Variants in ANKRD7 observed in about 807,000 individuals in gnomAD.
The protein encoded by ANKRD7 is ankyrin repeat domain-containing protein 7.
In ANKRD7, 30 loss-of-function variants were observed where a neutral mutation model predicts 30.8. The observed-to-expected ratio is 0.97, with a 90% CI of 0.73 to 1.32. ANKRD7 has a LOEUF of 1.32. ANKRD7 is among the 40% of genes most tolerant of loss of function. ANKRD7 has a pLI of 0.00. For missense variants in ANKRD7, 264 were observed against 295.7 expected (o/e 0.89, Z 0.79); for synonymous variants, 97 against 106.6 (o/e 0.91, Z 0.55).
intron 1 of ANKRD7, among the ~76,000 whole-genome samples, chr7:118,230,577 T>C (rs1306927417): frequency 1.3e-5 from 2 of 151,932 alleles, no homozygotes; most frequent in Non-Finnish European, 2.9e-5. Flanking sequence ...TTATTATAAA[T>C]TACAACTTGA....
chr7:118,240,162 T>A lies in ANKRD7; in HGVS notation c.*37+164T>A, dbSNP rs868144608. Among the ~76,000 whole-genome samples the A allele has an allele frequency of 2.6e-5, 4 of 152,194 alleles. No homozygotes were observed. In the Middle Eastern group the frequency reaches 0.01, roughly 391 times the overall value. ...TAAGAACTATTCTTTTTTATTTATT[T>A]ATTTATTTATTTATTATACTTTAAG... On this transcript the variant is annotated intron_variant, in intron 6 of 6. Coordinates refer to ENST00000265224, the MANE Select transcript of ANKRD7 (RefSeq NM_019644.4).
At chr7:118,229,983 T>G (rs1809607195) in intron 1 of ANKRD7, among the ~76,000 whole-genome samples, 1 of 152,048 alleles carries the variant, frequency 6.6e-6, no homozygotes, top group Non-Finnish European at 1.5e-5. Flanking sequence ...CCAACATCCC[T>G]TCATGATAAA....
At position 118,239,700 on chromosome 7, in the gene ANKRD7, T is replaced by C. The variant is rs193021663; in HGVS notation, c.713-209T>C. 3.0e-5 allele frequency: 10 copies of C among 334,858 alleles called. No homozygotes were observed. The East Asian group carries it at 3.9e-4, about 13-fold the overall frequency. 20.7% of individuals were successfully genotyped at this position (334,858 alleles called of 1,614,324 possible). A position where few individuals can be genotyped will look rare whatever the true frequency, so the allele number is the denominator to read the frequency against. Reference sequence around the variant, plus strand: ...GCTTTTAAAAAAATCATATTTGTGATAGCAGGAAGAAAAGAGGTGCCAGAG... The same window carrying C: ...GCTTTTAAAAAAATCATATTTGTGACAGCAGGAAGAAAAGAGGTGCCAGAG... On this transcript the variant is annotated intron_variant, in intron 5 of 6. Transcript: ENST00000265224.
At chr7:118,240,460 A>G (rs1010363219) in intron 6 of ANKRD7, among the ~76,000 whole-genome samples, 45 of 152,162 alleles carry the variant, frequency 3.0e-4, no homozygotes, top group African/African-American at 9.6e-4. Flanking sequence ...ATGTTTTCCA[A>G]TTTCATCCAT....
intron 1 of ANKRD7, among the ~76,000 whole-genome samples, chr7:118,234,007 TAAAG>T (rs1223658020): frequency 1.3e-5 from 2 of 152,112 alleles, no homozygotes; most frequent in Non-Finnish European, 2.9e-5. Context: ...ACTGAGTAAA[TAAAG>T]AAAAACACAC....
intron 1 of ANKRD7, chr7:118,228,125 T>C: frequency 8.8e-7 from 1 of 1,135,346 alleles, no homozygotes; most frequent in African/African-American, 1.6e-5. Flanking sequence ...TGGGGCCATC[T>C]GGCATTTCTC....
chr7:118,239,724 A>G (rs1021136498), intron 5 of ANKRD7, 185 bp from the exon 6 acceptor site: 5 of 357,916 alleles, frequency 1.4e-5, no homozygotes, highest in African/African-American at 8.4e-5. Context: ...GAGGTGCCAG[A>G]GAATGGGAGT....
intron 6 of ANKRD7, 36 bp from the exon 7 acceptor site, chr7:118,242,313 T>A (rs1442964730): frequency 6.6e-6 from 1 of 152,202 alleles, no homozygotes; most frequent in Non-Finnish European, 1.5e-5. Flanking sequence ...TATTTGGACG[T>A]AAGTGAAGAC....
At chr7:118,225,486 CA>C (rs60691080) in intron 1 of ANKRD7, among the ~76,000 whole-genome samples, 5,890 of 124,226 alleles carry the variant, frequency 0.047, 189 homozygotes, top group African/African-American at 0.11. Flanking sequence ...AGACTCATCT[CA>C]AAAAAAAAAA....
chr7:118,225,100 A>C, intron 1 of ANKRD7, 91 bp downstream of exon 1: 2 of 1,412,258 alleles, frequency 1.4e-6, no homozygotes, highest in Non-Finnish European at 1.9e-6. Context: ...TTTGACACTG[A>C]TTGTCACTCC....
At chr7:118,231,812 AGAAAATAGAACTT>A (rs111990138) in intron 1 of ANKRD7, among the ~76,000 whole-genome samples, 3 of 152,188 alleles carry the variant, frequency 2.0e-5, no homozygotes, top group African/African-American at 7.2e-5. Context: ...AGAGTCTGGG[AGAAAATAGAACTT>A]GAATGAAACA....
chr7:118,227,320 G>T (rs1361949754), intron 1 of ANKRD7, among the ~76,000 whole-genome samples: 1 of 152,138 alleles, frequency 6.6e-6, no homozygotes, highest in Non-Finnish European at 1.5e-5. Flanking sequence ...GGGAAGCTGG[G>T]GTGCTGGCAA....
intron 1 of ANKRD7, among the ~76,000 whole-genome samples, chr7:118,232,230 A>G (rs754227568): frequency 3.9e-5 from 6 of 152,046 alleles, no homozygotes; most frequent in Non-Finnish European, 5.9e-5. Context: ...GTGAGCTCTA[A>G]AATTTAAGGA....
rs754421639 is a variant in ANKRD7, at chr7:118,234,722, G to A, written c.316G>A (p.Asp106Asn). 4.7e-5 allele frequency: 76 copies of A among 1,609,870 alleles called. No individual in the cohort carries two copies. In the East Asian group the frequency reaches 1.7e-3, roughly 35 times the overall value. ...ACAGGCAGTACAGTGTCAAAATGAGGATTGTGCTACTATTCTTCTAAACTT... is the reference window on the plus strand; with the variant it reads ...ACAGGCAGTACAGTGTCAAAATGAGAATTGTGCTACTATTCTTCTAAACTT... ...LIKAVQCQNE[D>N]CATILLNFGA... Residue 106 changes from aspartate to asparagine, a missense_variant, in exon 3 of 7, where the codon GAT (aspartate) becomes AAT (asparagine). Coordinates refer to ENST00000265224, the MANE Select transcript of ANKRD7 (RefSeq NM_019644.4).
intron 1 of ANKRD7, chr7:118,227,806 T>G (rs1322038935): frequency 2.6e-6 from 3 of 1,140,126 alleles, no homozygotes; most frequent in African/African-American, 1.6e-5. Flanking sequence ...AGTTTTCAAG[T>G]CATAGGGTAT....
chr7:118,235,462 A>T, intron 3 of ANKRD7, among the ~76,000 whole-genome samples: 1 of 151,990 alleles, frequency 6.6e-6, no homozygotes, highest in East Asian at 1.9e-4. Context: ...AATACAAAAA[A>T]TTAGCTGGTC....
rs2116027813 is a variant in ANKRD7, at chr7:118,239,997, A to G, written c.*36A>G. On this transcript the variant is annotated splice_region_variant and 3_prime_UTR_variant, in exon 6 of 7. Coordinates refer to ENST00000265224, the MANE Select transcript of ANKRD7 (RefSeq NM_019644.4). The stretch of plus-strand genomic sequence containing the variant: ...CTTGGCACTACATGTGACTAAAGGA[A>G]GGTAAGATTGCTAACTGGATTAGTG... 2 of 1,489,410 alleles carry G rather than the reference A, an allele frequency of 1.3e-6. No individual in the cohort carries two copies. Among genetic ancestry groups the G allele is most frequent in the Non-Finnish European group, 1.8e-6 (2 of 1,107,736 alleles). 92.3% of individuals were successfully genotyped at this position (1,489,410 alleles called of 1,614,324 possible). A position where few individuals can be genotyped will look rare whatever the true frequency, so the allele number is the denominator to read the frequency against.
chr7:118,241,521 C>T (rs868153879), intron 6 of ANKRD7, among the ~76,000 whole-genome samples: 17 of 84,542 alleles, frequency 2.0e-4, no homozygotes, highest in African/African-American at 4.5e-4. Context: ...TCTGAATTAC[C>T]TTTTTTTTTT....
intron 6 of ANKRD7, among the ~76,000 whole-genome samples, chr7:118,240,484 A>G (rs1405841507): frequency 6.6e-6 from 1 of 152,188 alleles, no homozygotes; most frequent in African/African-American, 2.4e-5. Context: ...CCTACAAAGG[A>G]CATGAACTCA....
Sources: allele counts gnomAD v4.1 joint callset (sites outside exome capture counted in the v4.1 genomes callset), GRCh38; gene constraint gnomAD v4.1.1; transcripts MANE v1.5; gene names NCBI Gene and HGNC (gene_info 2026-07-23, HGNC 2026-07-21).